Variants in NAALADL2 observed in about 807,000 individuals in gnomAD.
NAALADL2 encodes inactive N-acetylated-alpha-linked acidic dipeptidase-like protein 2.
Under a neutral mutation model 87.2 loss-of-function variants are expected in NAALADL2, and 76 were observed. The observed-to-expected ratio is 0.87, with a 90% CI of 0.72 to 1.05. NAALADL2 has a LOEUF of 1.05. Among genes scored for constraint, NAALADL2 ranks in the 50% least tolerant of loss-of-function variants. The probability of loss-of-function intolerance (pLI) is 0.00; values close to 1 mark genes in which losing one functional copy is unlikely to be tolerated. For synonymous variants in NAALADL2, 354 were observed against 331.0 expected (o/e 1.07, Z -0.75); for missense variants, 1,089 against 945.8 (o/e 1.15, Z -1.99).
intron 11 of NAALADL2, among the ~76,000 whole-genome samples, chr3:175,650,628 A>G (rs1394116001): frequency 6.6e-6 from 1 of 152,164 alleles, no homozygotes; most frequent in Non-Finnish European, 1.5e-5. Context: ...TTCCCCCGAA[A>G]TGATGATTGG....
At position 174,707,639 on chromosome 3, in the gene NAALADL2, C is replaced by A. The variant is rs184549734; in HGVS notation, c.-114-30002C>A. On this transcript the variant is annotated intron_variant, in intron 2 of 3. Transcript: ENST00000434257. ...GGAAGGGGAACATCACACACTGGGG[C>A]CTGTTGTGGGGTGGGGGGAGGGGGA... Among the ~76,000 whole-genome samples, 488 of 92,338 alleles carry A rather than the reference C, an allele frequency of 5.3e-3. 3 individuals are homozygous for A. Among genetic ancestry groups the A allele is most frequent in the Middle Eastern group, 0.022 (2 of 92 alleles). The allele number at this position is 92,338 out of a possible 152,430, so 60.6% of individuals were successfully genotyped here.
At chr3:175,152,703 C>T (rs1250143801) in intron 2 of NAALADL2, among the ~76,000 whole-genome samples, 3 of 152,014 alleles carry the variant, frequency 2.0e-5, no homozygotes, top group East Asian at 1.9e-4. Context: ...GTCAGGAGTT[C>T]GAGACCAGCC....
intron 1 of NAALADL2, among the ~76,000 whole-genome samples, chr3:174,955,746 T>C (rs891399903): frequency 1.3e-5 from 2 of 152,138 alleles, no homozygotes; most frequent in Middle Eastern, 3.2e-3. Context: ...TTTATAACTT[T>C]AGTGAAGATT....
intron 10 of NAALADL2, among the ~76,000 whole-genome samples, chr3:175,596,505 C>A (rs1722263113): frequency 6.6e-6 from 1 of 151,812 alleles, no homozygotes; most frequent in Admixed American, 6.6e-5. Context: ...TTCTCTTTAC[C>A]ATATGAAGAA....
intron 3 of NAALADL2, among the ~76,000 whole-genome samples, chr3:174,826,818 G>T (rs956996594): frequency 6.6e-6 from 1 of 152,102 alleles, no homozygotes; most frequent in Non-Finnish European, 1.5e-5. Context: ...CATTCTAGGA[G>T]TATGGTGTTC....
At chr3:175,705,033 G>T (rs376495446) in intron 11 of NAALADL2, among the ~76,000 whole-genome samples, 3 of 152,292 alleles carry the variant, frequency 2.0e-5, no homozygotes, top group East Asian at 3.9e-4. Context: ...TGTATGGAAA[G>T]ACATCCCAGA....
chr3:175,234,626 T>G (rs1407037572), intron 3 of NAALADL2, among the ~76,000 whole-genome samples: 2 of 152,186 alleles, frequency 1.3e-5, no homozygotes, highest in Non-Finnish European at 2.9e-5. Context: ...ACATTTAAGA[T>G]TTGAAACACA....
chr3:175,040,470 G>A lies in NAALADL2; in HGVS notation c.44-56320G>A, dbSNP rs150120199. ...TAGCCTTGTGGTAGAAAACTTACGG[G>A]GGCCGTTTCCATAAAGTGTCAGTGC... On this transcript the variant is annotated intron_variant, in intron 1 of 13. Transcript: ENST00000454872. Among the ~76,000 whole-genome samples the A allele has an allele frequency of 8.1e-3, 1,236 of 152,210 alleles. 9 individuals carry two copies. The highest frequency in any genetic ancestry group is 0.027 in the Middle Eastern group (8 of 294).
Position 174,977,305 on chromosome 3 carries a change from A to C in NAALADL2, c.43+117855A>C, listed in dbSNP as rs999378619. 3.3e-5 allele frequency among the ~76,000 whole-genome samples: 5 copies of C among 152,244 alleles called. No homozygotes were observed. The East Asian group carries it at 9.7e-4, about 30-fold the overall frequency. On this transcript the variant is annotated intron_variant, in intron 1 of 13. Coordinates refer to ENST00000454872, the MANE Select transcript of NAALADL2 (RefSeq NM_207015.3). ...ACGCCCAGCTAATTTTTGTATTTTT[A>C]GTAGAGACAGGGTTGTGCCATGTTG... is the stretch of plus-strand genomic sequence containing the variant.
At chr3:174,890,070 C>T (rs1428673468) in intron 1 of NAALADL2, among the ~76,000 whole-genome samples, 1 of 152,086 alleles carries the variant, frequency 6.6e-6, no homozygotes, top group Admixed American at 6.6e-5. Context: ...CCATGAATGT[C>T]CTTGAGATAA....
chr3:174,555,365 T>C (rs148232109), intron 2 of NAALADL2, among the ~76,000 whole-genome samples: 7,841 of 152,240 alleles, frequency 0.052, 638 homozygotes, highest in African/African-American at 0.17. Context: ...AATGGCGCGA[T>C]CTTGGCCCAC....
chr3:174,631,737 CT>C (rs1722133863), intron 2 of NAALADL2: 1 of 152,166 alleles, frequency 6.6e-6, no homozygotes, highest in Non-Finnish European at 1.5e-5. Context: ...CTATGTTTTT[CT>C]CTCAAATAAA....
intron 5 of NAALADL2, among the ~76,000 whole-genome samples, chr3:175,373,846 A>T (rs1308069396): frequency 6.6e-6 from 1 of 152,136 alleles, no homozygotes; most frequent in African/African-American, 2.4e-5. Context: ...TTATTTTAAC[A>T]ATCTAATATG....
At chr3:174,773,180 T>C (rs1289875608) in intron 3 of NAALADL2, among the ~76,000 whole-genome samples, 1 of 152,102 alleles carries the variant, frequency 6.6e-6, no homozygotes, top group Non-Finnish European at 1.5e-5. Flanking sequence ...TATTCAGTAA[T>C]AGAGGTCCTT....
At chr3:174,694,270 CT>C (rs936402152) in intron 2 of NAALADL2, among the ~76,000 whole-genome samples, 2 of 152,002 alleles carry the variant, frequency 1.3e-5, no homozygotes, top group African/African-American at 2.4e-5. Flanking sequence ...GCTATCTGTT[CT>C]TAGTTTAGTA....
chr3:175,614,780 A>T, intron 10 of NAALADL2, among the ~76,000 whole-genome samples: 1 of 152,234 alleles, frequency 6.6e-6, no homozygotes, highest in East Asian at 1.9e-4. Context: ...CTGACACAAG[A>T]TATGCAACTA....
intron 11 of NAALADL2, among the ~76,000 whole-genome samples, chr3:175,684,817 T>C (rs1298806004): frequency 1.3e-5 from 2 of 152,126 alleles, no homozygotes; most frequent in Non-Finnish European, 2.9e-5. Flanking sequence ...AAAAATTATG[T>C]TTAAAGATCC....
At chr3:174,800,067 G>A (rs1718634868) in intron 3 of NAALADL2, among the ~76,000 whole-genome samples, 3 of 152,176 alleles carry the variant, frequency 2.0e-5, no homozygotes, top group Non-Finnish European at 4.4e-5. Flanking sequence ...AAGGCATTCA[G>A]TTTTAAAAGG....
intron 2 of NAALADL2, among the ~76,000 whole-genome samples, chr3:175,121,174 T>C (rs1183204795): frequency 1.3e-5 from 2 of 151,906 alleles, no homozygotes; most frequent in African/African-American, 4.8e-5. Flanking sequence ...AGAAATTTAC[T>C]TTATGCTTGT....
Sources: allele counts gnomAD v4.1 joint callset (sites outside exome capture counted in the v4.1 genomes callset), GRCh38; gene constraint gnomAD v4.1.1; transcripts MANE v1.5; gene names NCBI Gene and HGNC (gene_info 2026-07-23, HGNC 2026-07-21).